Variants in COL4A6 observed in about 807,000 individuals in gnomAD.
COL4A6 encodes the protein collagen type IV alpha 6 chain.
A neutral mutation model predicts 126.7 loss-of-function variants in COL4A6; 59 were observed. The ratio of observed to expected loss-of-function variants is 0.47; its 90% confidence interval spans 0.38 to 0.58. COL4A6 has a LOEUF of 0.58. COL4A6 is among the 20% of genes least tolerant of loss of function. The pLI is 0.00. For synonymous variants in COL4A6, 547 were observed against 496.6 expected (o/e 1.10, Z -1.35); for missense variants, 1,285 against 1,337.3 (o/e 0.96, Z 0.61).
At chrX:108,370,672 C>A (rs151244981) in intron 2 of COL4A6, among the ~76,000 whole-genome samples, 1,597 of 110,793 alleles carry the variant, frequency 0.014, 25 homozygotes, top group African/African-American at 0.051. Context: ...ATAATTGCAA[C>A]CCGATTTGGT....
intron 2 of COL4A6, among the ~76,000 whole-genome samples, chrX:108,317,679 T>C (rs1443095145): frequency 9.0e-6 from 1 of 111,453 alleles, no homozygotes. Flanking sequence ...ATTTATTAAA[T>C]AGGGAATCCT....
chrX:108,193,738 C>T, intron 16 of COL4A6, 41 bp from the exon 17 acceptor site: 1 of 1,068,078 alleles, frequency 9.4e-7, no homozygotes, highest in Non-Finnish European at 1.3e-6. Flanking sequence ...ATTTCCATTT[C>T]CTTATTACCC....
intron 23 of COL4A6, among the ~76,000 whole-genome samples, chrX:108,184,491 G>A (rs947468577): frequency 6.3e-5 from 7 of 111,496 alleles, no homozygotes; most frequent in Non-Finnish European, 1.3e-4. Flanking sequence ...CAAGGGAATG[G>A]ATTAGTTCCC....
chrX:108,229,509 C>T lies in COL4A6; in HGVS notation c.145-8135G>A, dbSNP rs750642099. Among the ~76,000 whole-genome samples the T allele has an allele frequency of 8.0e-5, 9 of 111,887 alleles. No individual in the cohort carries two copies. In the South Asian group the frequency reaches 3.4e-3, roughly 43 times the overall value. Reference sequence around the variant, plus strand: ...GGAGTTTCAGATTCAGTAGTGCCGGCTGGGTCTAAAAATCTGCATTTCTAA... The same window carrying T: ...GGAGTTTCAGATTCAGTAGTGCCGGTTGGGTCTAAAAATCTGCATTTCTAA... On this transcript the variant is annotated intron_variant, in intron 3 of 44. Coordinates refer to ENST00000334504, the MANE Select transcript of COL4A6 (RefSeq NM_033641.4).
intron 43 of COL4A6, 193 bp from the exon 44 acceptor site, chrX:108,159,941 TAAC>T (rs908427803): frequency 5.8e-6 from 3 of 513,569 alleles, no homozygotes; most frequent in Non-Finnish European, 1.1e-5. Context: ...AATTTGATAA[TAAC>T]AAGAATCTTT....
At chrX:108,320,670 A>G (rs1024026003) in intron 2 of COL4A6, among the ~76,000 whole-genome samples, 3 of 112,217 alleles carry the variant, frequency 2.7e-5, no homozygotes, top group East Asian at 5.6e-4. Context: ...TACTCTGCAC[A>G]GTGCAAAACA....
At position 108,246,404 on chromosome X, in the gene COL4A6, A is replaced by G. The variant is rs186451095; in HGVS notation, c.145-25030T>C. Among the ~76,000 whole-genome samples the G allele has an allele frequency of 1.1e-3, 124 of 112,195 alleles. 5 individuals are homozygous for G. The East Asian group carries it at 0.033, about 30-fold the overall frequency. ...TCAAACTTTATCTGCTAAGAGTCCA[A>G]TAGTAAATATTATAGGCTTTGTGGA... On this transcript the variant is annotated intron_variant, in intron 3 of 44. Coordinates refer to ENST00000334504, the MANE Select transcript of COL4A6 (RefSeq NM_033641.4).
At chrX:108,260,685 G>A (rs2037137937) in intron 3 of COL4A6, among the ~76,000 whole-genome samples, 2 of 110,656 alleles carry the variant, frequency 1.8e-5, no homozygotes, top group African/African-American at 6.6e-5. Flanking sequence ...TTTATCAGCA[G>A]CATGAAAATG....
At chrX:108,218,744 A>C (rs1445923566) in intron 5 of COL4A6, among the ~76,000 whole-genome samples, 1 of 111,980 alleles carries the variant, frequency 8.9e-6, no homozygotes, top group Non-Finnish European at 1.9e-5. Flanking sequence ...TAGGGCCTCC[A>C]AAAACCATGC....
intron 43 of COL4A6, 27 bp from the exon 44 acceptor site, chrX:108,159,775 C>T: frequency 1.7e-6 from 2 of 1,209,623 alleles, no homozygotes; most frequent in South Asian, 3.5e-5. Context: ...TGGGCAAGGG[C>T]AGGGGAGGTC....
At chrX:108,290,141 A>T (rs1603023286) in intron 3 of COL4A6, among the ~76,000 whole-genome samples, 1 of 112,151 alleles carries the variant, frequency 8.9e-6, no homozygotes, top group African/African-American at 3.2e-5. Flanking sequence ...AAAATATCTC[A>T]TGGAAGGCTC....
intron 17 of COL4A6, among the ~76,000 whole-genome samples, chrX:108,193,326 G>T (rs1354601866): frequency 9.0e-6 from 1 of 111,641 alleles, no homozygotes; most frequent in African/African-American, 3.3e-5. Context: ...CAGCTTGGGG[G>T]TGGTTATCAA....
At chrX:108,269,343 G>A (rs187291297) in intron 3 of COL4A6, among the ~76,000 whole-genome samples, 172 of 111,597 alleles carry the variant, frequency 1.5e-3, no homozygotes, top group African/African-American at 5.4e-3. Context: ...CTACCTGTAG[G>A]ATGCTGGAGG....
intron 2 of COL4A6, among the ~76,000 whole-genome samples, chrX:108,432,876 A>T (rs2064198594): frequency 8.9e-6 from 1 of 111,948 alleles, no homozygotes; most frequent in African/African-American, 3.2e-5. Context: ...AAAATTAAAA[A>T]AAAACAAGGG....
intron 3 of COL4A6, among the ~76,000 whole-genome samples, chrX:108,278,921 C>A (rs377728147): frequency 9.0e-6 from 1 of 111,008 alleles, no homozygotes. Flanking sequence ...GAAATAAAAT[C>A]CTTTACAGAC....
chrX:108,410,399 C>T (rs1415184012), intron 2 of COL4A6, among the ~76,000 whole-genome samples: 3 of 111,006 alleles, frequency 2.7e-5, no homozygotes, highest in African/African-American at 6.6e-5. Flanking sequence ...GATAAGAAGG[C>T]AGACATATAA....
chrX:108,189,625 C>T (rs903101055), intron 20 of COL4A6, among the ~76,000 whole-genome samples: 1 of 112,264 alleles, frequency 8.9e-6, no homozygotes, highest in African/African-American at 3.2e-5. Context: ...AACTTAATGC[C>T]CTTTTCCATC....
chrX:108,264,726 G>A (rs2037253981), intron 3 of COL4A6, among the ~76,000 whole-genome samples: 1 of 111,835 alleles, frequency 8.9e-6, no homozygotes, highest in South Asian at 3.7e-4. Context: ...GAACTGCAGG[G>A]AGACAGAGTT....
intron 6 of COL4A6, among the ~76,000 whole-genome samples, chrX:108,213,272 T>G (rs960821584): frequency 1.8e-5 from 2 of 112,336 alleles, no homozygotes; most frequent in African/African-American, 6.5e-5. Context: ...ATCAGTGCCC[T>G]CATGAGTTTA....
Sources: gnomAD v4.1 joint callset for allele counts (sites outside exome capture counted in the v4.1 genomes callset) on GRCh38, gnomAD v4.1.1 for gene constraint, MANE v1.5 for transcripts, NCBI Gene and HGNC (gene_info 2026-07-23, HGNC 2026-07-21) for gene names.